DPYSL5: variants seen among roughly 807,000 people sequenced by gnomAD.
DPYSL5 encodes dihydropyrimidinase-related protein 5.
In DPYSL5, 9 loss-of-function variants were observed where a neutral mutation model predicts 58.4. That is an observed-to-expected ratio of 0.15 (90% CI 0.09 to 0.27). The LOEUF (loss-of-function observed/expected upper bound fraction) is 0.27. Among genes scored for constraint, DPYSL5 ranks in the 10% least tolerant of loss-of-function variants. The probability of loss-of-function intolerance (pLI) is 1.00; values close to 1 mark genes in which losing one functional copy is unlikely to be tolerated. For synonymous variants in DPYSL5, 293 were observed against 301.9 expected (o/e 0.97, Z 0.31); for missense variants, 499 against 770.6 (o/e 0.65, Z 4.17).
chr2:26,893,018 G>A lies in DPYSL5; in HGVS notation c.-4-5478G>A, dbSNP rs550637665. On this transcript the variant is annotated intron_variant, in intron 1 of 12. Coordinates refer to ENST00000288699, the MANE Select transcript of DPYSL5 (RefSeq NM_020134.4). ...TAGTCTCTCCAGTCCAACTCCCCACGGCCTCTCTGCCCTGTCGCCTTCCAC... is the reference window on the plus strand; with the variant it reads ...TAGTCTCTCCAGTCCAACTCCCCACAGCCTCTCTGCCCTGTCGCCTTCCAC... Among the ~76,000 whole-genome samples, 9 of 152,236 alleles carry A rather than the reference G, an allele frequency of 5.9e-5. No homozygotes were observed. In the South Asian group the frequency reaches 1.0e-3, roughly 18 times the overall value.
Position 26,905,872 on chromosome 2 carries a change from A to G in DPYSL5, c.261+7112A>G, listed in dbSNP as rs1328344637. ...CTGTAGGTAGAAATCTGGGCACAGC[A>G]TGACTAGGTCTTCGGCTCAGAGCCT... On this transcript the variant is annotated intron_variant, in intron 2 of 12. Coordinates refer to ENST00000288699, the MANE Select transcript of DPYSL5 (RefSeq NM_020134.4). The surrounding 1 kb of genome is among the most constrained non-coding windows in gnomAD (Gnocchi z 4.0). Among the ~76,000 whole-genome samples the G allele has an allele frequency of 6.6e-6, 1 of 152,226 alleles. No homozygotes were observed. The highest frequency in any genetic ancestry group is 1.5e-5 in the Non-Finnish European group (1 of 68,036).
In DPYSL5 at chr2:26,942,517, C is replaced by G. The variant is rs756874932; in HGVS notation, c.1233-26C>G. On this transcript the variant is annotated intron_variant, in intron 10 of 12. Transcript: ENST00000288699. This position sits in a 1 kb window ranked among gnomAD's most constrained non-coding sequence, Gnocchi z 5.9. Reference sequence around the variant, plus strand: ...CATTTTGACCTGTCCTCAGCGCTTTCTCTCCCGCCATTGCCTCCCCACCAG... The same window carrying G: ...CATTTTGACCTGTCCTCAGCGCTTTGTCTCCCGCCATTGCCTCCCCACCAG... 4 of 1,606,018 alleles carry G rather than the reference C, an allele frequency of 2.5e-6. No individual in the cohort carries two copies. Among genetic ancestry groups the G allele is most frequent in the African/African-American group, 2.7e-5 (2 of 74,882 alleles).
Position 26,928,287 on chromosome 2 carries a change from A to G in DPYSL5, c.633A>G (p.Thr211=), listed in dbSNP as rs773713165. 1.2e-6 allele frequency: 2 copies of G among 1,614,016 alleles called. No homozygotes were observed. The highest frequency in any genetic ancestry group is 3.3e-5 in the Admixed American group (2 of 60,018). ...GAKEALDLGI[T]GPEGIEISRP... ...AGGAGGCACTGGATTTGGGGATCAC[A>G]GGCCCAGAAGGAATCGAGATCAGCC... is the stretch of plus-strand genomic sequence containing the variant. The change falls in exon 5 of 13, where the codon ACA becomes ACG. Residue 211 remains threonine, a synonymous_variant. Transcript: ENST00000288699.
At chr2:26,863,986 T>TATGATTACAA (rs1459963805) in intron 1 of DPYSL5, among the ~76,000 whole-genome samples, 5 of 152,212 alleles carry the variant, frequency 3.3e-5, no homozygotes, top group African/African-American at 1.2e-4. Context: ...CTCACACTTG[T>TATGATTACAA]AATCATAGCA....
At chr2:26,931,173 G>GTGTGTGTGTA (rs1407644161) in intron 5 of DPYSL5, among the ~76,000 whole-genome samples, 1 of 69,370 alleles carries the variant, frequency 1.4e-5, no homozygotes, top group Non-Finnish European at 2.9e-5. Context: ...ATATATATGT[G>GTGTGTGTGTA]TGTGTGTGTG....
chr2:26,872,549 G>A (rs938539582), intron 1 of DPYSL5, among the ~76,000 whole-genome samples: 8 of 152,154 alleles, frequency 5.3e-5, no homozygotes, highest in Non-Finnish European at 1.2e-4. Context: ...ATTCAGCTGG[G>A]TGTGGTGGTG....
At chr2:26,938,945 C>T (rs76688531) in intron 8 of DPYSL5, 2,407 of 152,514 alleles carry the variant, frequency 0.016, 30 homozygotes, top group Middle Eastern at 0.078. Flanking sequence ...CTCTCTCCTC[C>T]GCCCCTCACT....
intron 5 of DPYSL5, 127 bp downstream of exon 5, chr2:26,928,450 T>TG: frequency 1.9e-6 from 2 of 1,052,250 alleles, no homozygotes; most frequent in Non-Finnish European, 2.8e-6. Flanking sequence ...AATCCCAACA[T>TG]TTGGGAGGCT....
At position 26,905,171 on chromosome 2, in the gene DPYSL5, T is replaced by C. The variant is rs537313921; in HGVS notation, c.261+6411T>C. Reference sequence around the variant, plus strand: ...GCATCAGGCAGGCAGCTGAGCGAGGTCTCTGCCTGCCCAAGACAGTAGCTT... The same window carrying C: ...GCATCAGGCAGGCAGCTGAGCGAGGCCTCTGCCTGCCCAAGACAGTAGCTT... On this transcript the variant is annotated intron_variant, in intron 2 of 12. Transcript: ENST00000288699. This position sits in a 1 kb window ranked among gnomAD's most constrained non-coding sequence, Gnocchi z 4.0. 4.3e-4 allele frequency among the ~76,000 whole-genome samples: 66 copies of C among 152,132 alleles called. 3 individuals are homozygous for C. In the South Asian group the frequency reaches 0.013, roughly 31 times the overall value.
intron 1 of DPYSL5, among the ~76,000 whole-genome samples, chr2:26,871,283 C>T (rs1465288719): frequency 6.6e-6 from 1 of 152,160 alleles, no homozygotes; most frequent in African/African-American, 2.4e-5. Flanking sequence ...TATCCCTTCC[C>T]ATCATTTTTA....
chr2:26,931,690 TCC>T lies in DPYSL5; in HGVS notation c.714+10_714+11del, dbSNP rs759193797. ...TTATCACCATTGCAAACAGGGTAAG[TCC>T]CCCGATGTCCACTGTGGGATTAGAA... On this transcript the variant is annotated splice_region_variant and intron_variant, in intron 6 of 12. Coordinates refer to ENST00000288699, the MANE Select transcript of DPYSL5 (RefSeq NM_020134.4). 12 of 1,613,642 alleles carry T rather than the reference TCC, an allele frequency of 7.4e-6. No individual in the cohort carries two copies. Among genetic ancestry groups the T allele is most frequent in the Non-Finnish European group, 7.6e-6 (9 of 1,179,824 alleles).
At chr2:26,865,894 G>A (rs1666128799) in intron 1 of DPYSL5, among the ~76,000 whole-genome samples, 1 of 152,162 alleles carries the variant, frequency 6.6e-6, no homozygotes, top group South Asian at 2.1e-4. Context: ...AGCAATTACA[G>A]ACTAAAATCT....
At chr2:26,926,852 A>G (rs1197115057) in intron 3 of DPYSL5, among the ~76,000 whole-genome samples, 1 of 152,222 alleles carries the variant, frequency 6.6e-6, no homozygotes, top group African/African-American at 2.4e-5. Flanking sequence ...TGGTTTTCCC[A>G]GGACCTCTGG....
In DPYSL5 at chr2:26,848,202, G is replaced by T. The variant is rs1454888283; in HGVS notation, c.-57G>T. ...GCACCCGCAGCTCCGGCGCCGCGGC[G>T]AGACGGAGACGGACCGAGCCACGGG... On this transcript the variant is annotated 5_prime_UTR_variant, in exon 1 of 13. Transcript: ENST00000288699. 2.6e-5 allele frequency: 4 copies of T among 151,762 alleles called. No homozygotes were observed. Among genetic ancestry groups the T allele is most frequent in the Non-Finnish European group, 5.9e-5 (4 of 67,926 alleles). 9.4% of individuals were successfully genotyped at this position (151,762 alleles called of 1,614,324 possible). A position where few individuals can be genotyped will look rare whatever the true frequency, so the allele number is the denominator to read the frequency against.
At chr2:26,894,195 C>T (rs1423585543) in intron 1 of DPYSL5, among the ~76,000 whole-genome samples, 1 of 152,036 alleles carries the variant, frequency 6.6e-6, no homozygotes. Context: ...ACCATGACCA[C>T]AGCTATCTGA....
At chr2:26,880,983 A>G (rs986304104) in intron 1 of DPYSL5, among the ~76,000 whole-genome samples, 4 of 152,214 alleles carry the variant, frequency 2.6e-5, no homozygotes, top group African/African-American at 9.6e-5. Flanking sequence ...CGTGGGGATA[A>G]TAATGTTTCA....
chr2:26,931,203 G>A (rs12988434), intron 5 of DPYSL5, among the ~76,000 whole-genome samples: 6,024 of 44,382 alleles, frequency 0.14, 820 homozygotes, highest in African/African-American at 0.21. Context: ...GTGTGTGTGT[G>A]TATATATATA....
chr2:26,897,596 C>T (rs1664051335), intron 1 of DPYSL5, among the ~76,000 whole-genome samples: 1 of 152,122 alleles, frequency 6.6e-6, no homozygotes, highest in South Asian at 2.1e-4. Context: ...TCTATATTCA[C>T]GAGAGATATT....
At chr2:26,889,641 A>G (rs1424754457) in intron 1 of DPYSL5, among the ~76,000 whole-genome samples, 4 of 151,582 alleles carry the variant, frequency 2.6e-5, no homozygotes, top group Admixed American at 2.6e-4. Context: ...CCTCAATTGG[A>G]GCAGAGGGAA....
Sources: allele counts gnomAD v4.1 joint callset (sites outside exome capture counted in the v4.1 genomes callset), GRCh38; gene constraint gnomAD v4.1.1; non-coding constraint Gnocchi (gnomAD v3.1); transcripts MANE v1.5; gene names NCBI Gene and HGNC (gene_info 2026-07-23, HGNC 2026-07-21).